CDH13: variants seen among roughly 807,000 people sequenced by gnomAD.
CDH13 encodes the protein cadherin-13.
In CDH13, 24 loss-of-function variants were observed where a neutral mutation model predicts 63.8. The observed-to-expected ratio is 0.38, with a 90% CI of 0.27 to 0.53. CDH13 has a LOEUF of 0.53. Among genes scored for constraint, CDH13 ranks in the 20% least tolerant of loss-of-function variants. The probability of loss-of-function intolerance (pLI) is 0.85; values close to 1 mark genes in which losing one functional copy is unlikely to be tolerated. For missense variants in CDH13, 1,049 were observed against 903.1 expected (o/e 1.16, Z -2.07); for synonymous variants, 503 against 355.3 (o/e 1.42, Z -4.67).
intron 6 of CDH13, among the ~76,000 whole-genome samples, chr16:83,416,685 C>T (rs1023480417): frequency 1.3e-5 from 2 of 152,108 alleles, no homozygotes; most frequent in African/African-American, 4.8e-5. Flanking sequence ...AGTAGATGTC[C>T]TTCAGGCACT....
intron 2 of CDH13, among the ~76,000 whole-genome samples, chr16:82,924,865 C>A (rs1383061288): frequency 6.6e-6 from 1 of 152,088 alleles, no homozygotes; most frequent in Non-Finnish European, 1.5e-5. Flanking sequence ...GCTATTATTA[C>A]CCCCTCGTTA....
At chr16:83,769,437 C>G (rs565727786) in intron 11 of CDH13, among the ~76,000 whole-genome samples, 1 of 152,100 alleles carries the variant, frequency 6.6e-6, no homozygotes, top group South Asian at 2.1e-4. Flanking sequence ...AGGCCTGGTA[C>G]AAGAAAAGTG....
chr16:83,241,498 T>G (rs976239621), intron 5 of CDH13, among the ~76,000 whole-genome samples: 1 of 152,244 alleles, frequency 6.6e-6, no homozygotes, highest in Non-Finnish European at 1.5e-5. Context: ...ACTTACTCTT[T>G]CTGTTTACTT....
At chr16:83,515,319 T>C (rs1471577063) in intron 7 of CDH13, among the ~76,000 whole-genome samples, 4 of 152,192 alleles carry the variant, frequency 2.6e-5, no homozygotes, top group African/African-American at 9.7e-5. Flanking sequence ...GCACGACATT[T>C]CTCTTTTAAG....
chr16:83,342,365 G>C (rs1407987320), intron 5 of CDH13, among the ~76,000 whole-genome samples: 1 of 152,018 alleles, frequency 6.6e-6, no homozygotes, highest in Non-Finnish European at 1.5e-5. Flanking sequence ...TGGATACCAG[G>C]GTGTTCAGCG....
intron 6 of CDH13, among the ~76,000 whole-genome samples, chr16:83,411,550 A>G (rs984918900): frequency 1.3e-5 from 2 of 152,192 alleles, no homozygotes; most frequent in Non-Finnish European, 2.9e-5. Flanking sequence ...TTAAATATTT[A>G]AAAAATAAAT....
intron 3 of CDH13, among the ~76,000 whole-genome samples, chr16:83,101,436 CAA>C (rs201355615): frequency 7.4e-6 from 1 of 135,384 alleles, no homozygotes; most frequent in Admixed American, 7.5e-5. Context: ...GTGATATTGC[CAA>C]AAAAAAAAAG....
intron 1 of CDH13, among the ~76,000 whole-genome samples, chr16:82,816,769 C>G (rs73606839): frequency 6.4e-5 from 9 of 140,300 alleles, no homozygotes; most frequent in Non-Finnish European, 4.5e-5. Context: ...TCATCACCGT[C>G]GTCACCATCA....
intron 1 of CDH13, among the ~76,000 whole-genome samples, chr16:82,723,362 T>C (rs1370074757): frequency 6.6e-6 from 1 of 152,200 alleles, no homozygotes; most frequent in Non-Finnish European, 1.5e-5. Context: ...GGGGACTGGC[T>C]AGTTATTCAC....
rs546752216 is a variant in CDH13, at chr16:82,644,007, G to C, written c.45+16870G>C. Among the ~76,000 whole-genome samples the C allele has an allele frequency of 6.6e-6, 1 of 152,258 alleles. No homozygotes were observed. The highest frequency in any genetic ancestry group is 1.5e-5 in the Non-Finnish European group (1 of 68,014). The stretch of plus-strand genomic sequence containing the variant: ...TCAAGTGATCCTCCAGGAGTAGCTG[G>C]CATTACAGGCTTGGCTGACTTTTAA... On this transcript the variant is annotated intron_variant, in intron 1 of 13. Coordinates refer to ENST00000567109, the MANE Select transcript of CDH13 (RefSeq NM_001257.5). This position sits in a 1 kb window ranked among gnomAD's most constrained non-coding sequence, Gnocchi z 5.7.
At chr16:83,168,800 C>T (rs7190758) in intron 4 of CDH13, among the ~76,000 whole-genome samples, 66,416 of 151,834 alleles carry the variant, frequency 0.44, 16,553 homozygotes, top group African/African-American at 0.67. Flanking sequence ...TTTTTAAAAT[C>T]ACACTTTATT....
At chr16:83,542,122 T>A (rs1254725080) in intron 7 of CDH13, among the ~76,000 whole-genome samples, 1 of 152,214 alleles carries the variant, frequency 6.6e-6, no homozygotes, top group African/African-American at 2.4e-5. Context: ...TCTTATTGAA[T>A]TAGCATCTGC....
rs767199464 is a variant in CDH13, at chr16:83,795,030, A to G, written c.2142A>G (p.Ter714TrpextTer8). 3.1e-6 allele frequency: 5 copies of G among 1,593,510 alleles called. No individual in the cohort carries two copies. Among genetic ancestry groups the G allele is most frequent in the East Asian group, 2.3e-5 (1 of 44,412 alleles). Residue 714 changes from the stop codon to tryptophan, a stop_lost, in exon 14 of 14, where the codon TGA (stop) becomes TGG (tryptophan). Coordinates refer to ENST00000567109, the MANE Select transcript of CDH13 (RefSeq NM_001257.5). The stretch of plus-strand genomic sequence containing the variant: ...TGAACCCTCTCTATTCAGGTCTGTG[A>G]GAACTCCTGACGTCTGAAGCTTGAC... Reference protein sequence around the residue: ...LLSLFSLACL* With the variant: ...LLSLFSLACLW
At chr16:82,779,212 T>C (rs1390619727) in intron 1 of CDH13, among the ~76,000 whole-genome samples, 1 of 152,228 alleles carries the variant, frequency 6.6e-6, no homozygotes, top group South Asian at 2.1e-4. Context: ...AGCTAAGTAC[T>C]ATTTTCCCCA....
chr16:83,016,115 G>A (rs1307846873), intron 2 of CDH13, among the ~76,000 whole-genome samples: 2 of 152,108 alleles, frequency 1.3e-5, no homozygotes, highest in African/African-American at 4.8e-5. Flanking sequence ...GATGCCATAT[G>A]GCCTAAGGGA....
At chr16:82,808,605 GTTAT>G (rs1362843478) in intron 1 of CDH13, among the ~76,000 whole-genome samples, 2 of 152,138 alleles carry the variant, frequency 1.3e-5, no homozygotes, top group Admixed American at 6.5e-5. Flanking sequence ...TATAAAAATA[GTTAT>G]TTATTTTTTC....
chr16:83,149,970 T>A (rs1011359156), intron 4 of CDH13, among the ~76,000 whole-genome samples: 1 of 152,204 alleles, frequency 6.6e-6, no homozygotes, highest in Non-Finnish European at 1.5e-5. Flanking sequence ...TGAGATTGTA[T>A]CTTCTTATTT....
intron 2 of CDH13, among the ~76,000 whole-genome samples, chr16:82,876,527 A>G (rs141580992): frequency 2.6e-5 from 4 of 152,208 alleles, no homozygotes; most frequent in Admixed American, 6.5e-5. Flanking sequence ...AGCTTTTAAA[A>G]AAATAGATGG....
chr16:82,756,724 G>C (rs1013171656), intron 1 of CDH13, among the ~76,000 whole-genome samples: 2 of 152,108 alleles, frequency 1.3e-5, no homozygotes, highest in Non-Finnish European at 2.9e-5. Context: ...CAGAGAATTA[G>C]GAGGACCAAG....
Sources: allele counts gnomAD v4.1 joint callset (sites outside exome capture counted in the v4.1 genomes callset), GRCh38; gene constraint gnomAD v4.1.1; non-coding constraint Gnocchi (gnomAD v3.1); transcripts MANE v1.5; gene names NCBI Gene and HGNC (gene_info 2026-07-23, HGNC 2026-07-21).